NOTCH2NLC: variants seen among roughly 807,000 people sequenced by gnomAD.
The protein encoded by NOTCH2NLC is notch 2 N-terminal like C.
In NOTCH2NLC, 4 loss-of-function variants were observed where a neutral mutation model predicts 17.7. The observed-to-expected ratio is 0.23, with a 90% CI of 0.11 to 0.52. The LOEUF (loss-of-function observed/expected upper bound fraction) is 0.52, where lower values mean the gene tolerates loss of function less well. Ranked by LOEUF, NOTCH2NLC falls within the 20% of genes least tolerant of loss-of-function variation. The probability of loss-of-function intolerance (pLI) is 0.96; values close to 1 mark genes in which losing one functional copy is unlikely to be tolerated. For synonymous variants in NOTCH2NLC, 18 were observed against 86.0 expected, an observed-to-expected ratio of 0.21 and a Z score of 4.38; for missense variants, 57 against 207.2, an observed-to-expected ratio of 0.28 and a Z score of 4.45.
intron 1 of NOTCH2NLC, among the ~76,000 whole-genome samples, chr1:149,395,579 CCTGTATTA>C (rs1336990286): frequency 1.3e-5 from 2 of 150,378 alleles, no homozygotes; most frequent in African/African-American, 4.9e-5. Flanking sequence ...TCCACTGCTT[CCTGTATTA>C]CTGTATTACT....
At chr1:149,402,039 A>C (rs2084249242) in intron 1 of NOTCH2NLC, among the ~76,000 whole-genome samples, 1 of 145,304 alleles carries the variant, frequency 6.9e-6, no homozygotes, top group African/African-American at 2.5e-5. Flanking sequence ...TTACCCCTAC[A>C]TAATAAGTGA....
rs1157572663 is a variant in NOTCH2NLC, at chr1:149,417,170, C to T, written c.136-13772C>T. On this transcript the variant is annotated intron_variant, in intron 1 of 4. Coordinates refer to ENST00000650865, the MANE Select transcript of NOTCH2NLC (RefSeq NM_001364013.2). ...TTTCGCCCAGGCTGGAGTGCAGTGG[C>T]GCGATCTCTGCTCACTGCAAGCTCC... Among the ~76,000 whole-genome samples, 41 of 121,056 alleles carry T rather than the reference C, an allele frequency of 3.4e-4. 2 individuals carry two copies. The highest frequency in any genetic ancestry group is 1.3e-3 in the East Asian group (5 of 3,900). 79.4% of individuals were successfully genotyped at this position (121,056 alleles called of 152,430 possible).
rs1415184915 is a variant in NOTCH2NLC at position 149,439,935 on chromosome 1, A to G, written c.209+8920A>G. On this transcript the variant is annotated intron_variant, in intron 2 of 4. Coordinates refer to ENST00000650865, the MANE Select transcript of NOTCH2NLC (RefSeq NM_001364013.2). ...ACAGTCTTCTACTTGATCTTTATGA[A>G]AAGAGTTTTATGAAAGAAAAGTGAA... Among the ~76,000 whole-genome samples the G allele has an allele frequency of 4.0e-4, 59 of 148,198 alleles. 1 individual carries two copies. The highest frequency in any genetic ancestry group is 1.4e-3 in the African/African-American group (57 of 40,416).
chr1:149,460,913 TTCTC>T (rs1304886209), intron 3 of NOTCH2NLC, among the ~76,000 whole-genome samples: 1 of 114,380 alleles, frequency 8.7e-6, no homozygotes, highest in Non-Finnish European at 1.9e-5. Context: ...CTTTCTTTCT[TTCTC>T]TCTCTTTCTC....
intron 1 of NOTCH2NLC, among the ~76,000 whole-genome samples, chr1:149,417,097 C>CTTTTTTTT (rs1171555647): frequency 2.3e-4 from 16 of 69,594 alleles, no homozygotes; most frequent in Non-Finnish European, 3.1e-4. Context: ...TCAGGTTTTC[C>CTTTTTTTT]TTTTTTTTTT....
At chr1:149,410,261 C>T (rs1387251670) in intron 1 of NOTCH2NLC, among the ~76,000 whole-genome samples, 2 of 148,696 alleles carry the variant, frequency 1.3e-5, no homozygotes, top group Non-Finnish European at 3.0e-5. Flanking sequence ...AATAAGGAAT[C>T]TTCTTATTTT....
rs1191040109 is a variant in NOTCH2NLC, at chr1:149,394,857, C to T, written c.135+3935C>T. Among the ~76,000 whole-genome samples, 414 of 150,834 alleles carry T rather than the reference C, an allele frequency of 2.7e-3. 9 individuals are homozygous for T. Among genetic ancestry groups the T allele is most frequent in the African/African-American group, 9.7e-3 (398 of 41,062 alleles). On this transcript the variant is annotated intron_variant, in intron 1 of 4. Transcript: ENST00000650865. ...GAAACCAAAAGGTCTTCTTTTCTTT[C>T]TTTGTCAGCCTACCATATGTGTAGT...
intron 1 of NOTCH2NLC, among the ~76,000 whole-genome samples, chr1:149,398,133 C>A (rs1240994496): frequency 1.3e-5 from 2 of 151,100 alleles, no homozygotes; most frequent in Non-Finnish European, 3.0e-5. Flanking sequence ...GTCTTAATAC[C>A]ACCAGGGAAA....
At chr1:149,417,097 CTTTTTTTTTTTTTTT>C (rs1171555647) in intron 1 of NOTCH2NLC, among the ~76,000 whole-genome samples, 4 of 69,592 alleles carry the variant, frequency 5.7e-5, no homozygotes, top group East Asian at 5.1e-4. Flanking sequence ...TCAGGTTTTC[CTTTTTTTTTTTTTTT>C]TTTTTTTTTT....
intron 2 of NOTCH2NLC, among the ~76,000 whole-genome samples, chr1:149,438,933 C>G (rs2084499239): frequency 6.7e-6 from 1 of 148,712 alleles, no homozygotes; most frequent in South Asian, 2.2e-4. Context: ...TCAGGCTGGT[C>G]TCAAATTCCT....
intron 2 of NOTCH2NLC, among the ~76,000 whole-genome samples, chr1:149,437,956 TTAAA>T (rs2084493124): frequency 6.7e-6 from 1 of 149,236 alleles, no homozygotes; most frequent in Non-Finnish European, 1.5e-5. Flanking sequence ...CTAAGAGAAG[TTAAA>T]TAATTCACTC....
intron 3 of NOTCH2NLC, among the ~76,000 whole-genome samples, chr1:149,461,301 A>T (rs1179525829): frequency 6.7e-6 from 1 of 148,978 alleles, no homozygotes; most frequent in Non-Finnish European, 1.5e-5. Flanking sequence ...GTGAGCATTT[A>T]TATCTCTTCT....
chr1:149,429,804 G>T (rs2084434420), intron 1 of NOTCH2NLC, among the ~76,000 whole-genome samples: 2 of 150,748 alleles, frequency 1.3e-5, no homozygotes, highest in South Asian at 4.2e-4. Flanking sequence ...TATGCATAGA[G>T]TGGTGTGGGT....
Position 149,419,840 on chromosome 1 carries a change from A to AATATATAT in NOTCH2NLC, c.136-11093_136-11086dup, listed in dbSNP as rs1247876476. On this transcript the variant is annotated intron_variant, in intron 1 of 4. Transcript: ENST00000650865. Reference sequence around the variant, plus strand: ...AAATAAATAAAAATTGAAGTTCAGGAATATATATATATATATTTTTTTTTT... The same window carrying AATATATAT: ...AAATAAATAAAAATTGAAGTTCAGGAATATATATATATATATATATATATTTTTTTTTT... Among the ~76,000 whole-genome samples the AATATATAT allele has an allele frequency of 1.5e-3, 175 of 113,380 alleles. 1 individual carries two copies. The highest frequency in any genetic ancestry group is 4.7e-3 in the Middle Eastern group (1 of 214). 74.4% of individuals were successfully genotyped at this position (113,380 alleles called of 152,430 possible).
At chr1:149,461,073 T>C (rs1258993499) in intron 3 of NOTCH2NLC, among the ~76,000 whole-genome samples, 3 of 149,812 alleles carry the variant, frequency 2.0e-5, no homozygotes, top group Non-Finnish European at 4.5e-5. Flanking sequence ...TAGCTGGGAT[T>C]ACAGGTATGT....
chr1:149,402,317 G>A (rs1260410583), intron 1 of NOTCH2NLC, among the ~76,000 whole-genome samples: 2 of 150,874 alleles, frequency 1.3e-5, no homozygotes, highest in Non-Finnish European at 3.0e-5. Context: ...CTGACCTCAG[G>A]TGATCCACCC....
At chr1:149,413,541 A>G (rs2084311434) in intron 1 of NOTCH2NLC, among the ~76,000 whole-genome samples, 1 of 151,264 alleles carries the variant, frequency 6.6e-6, no homozygotes, top group African/African-American at 2.4e-5. Flanking sequence ...TTGTTTAATT[A>G]CCAATTATTT....
chr1:149,455,999 CT>C (rs2084614708), intron 3 of NOTCH2NLC, among the ~76,000 whole-genome samples: 1 of 112,478 alleles, frequency 8.9e-6, no homozygotes, highest in Admixed American at 9.2e-5. Context: ...ACCTGTAGTC[CT>C]AACTACTTGG....
chr1:149,461,677 G>GCA (rs1467335898), intron 3 of NOTCH2NLC, among the ~76,000 whole-genome samples: 3 of 151,328 alleles, frequency 2.0e-5, no homozygotes, highest in African/African-American at 7.3e-5. Context: ...AAAGACACAT[G>GCA]CACACGTATG....
Sources: gnomAD v4.1 joint callset for allele counts (sites outside exome capture counted in the v4.1 genomes callset) on GRCh38, gnomAD v4.1.1 for gene constraint, MANE v1.5 for transcripts, NCBI Gene and HGNC (gene_info 2026-07-23, HGNC 2026-07-21) for gene names.